The following CLBA1 variants were observed in gnomAD, a reference collection of about 807,000 sequenced individuals.
CLBA1 encodes the protein uncharacterized protein CLBA1.
A neutral mutation model predicts 28.8 loss-of-function variants in CLBA1; 30 were observed. The observed-to-expected ratio is 1.04, with a 90% CI of 0.78 to 1.41. CLBA1 has a LOEUF of 1.41. Ranked by LOEUF, CLBA1 falls within the 40% of genes most tolerant of loss-of-function variation. The pLI is 0.00. For missense variants in CLBA1, 451 were observed against 412.3 expected (o/e 1.09, Z -0.81); for synonymous variants, 160 against 152.8 (o/e 1.05, Z -0.35).
chr14:104,998,305 TC>T (rs1900192094), downstream of CLBA1, among the ~76,000 whole-genome samples: 3 of 151,798 alleles, frequency 2.0e-5, no homozygotes, highest in Non-Finnish European at 4.4e-5. Context: ...TCCCAGCTAC[TC>T]AGGAGGCTGA....
Position 104,986,465 on chromosome 14 carries a change from TTGAG to T in CLBA1, c.38_41del (p.Ser13ThrfsTer18), listed in dbSNP as rs1203684213. ...CCGGCGGGAGCTGGGGGGAGAGCCT[TTGAG>T]TGACCTCCAGGAGGAAGCAGCCAGC... On this transcript the variant is annotated frameshift_variant, in exon 1 of 5. Coordinates refer to ENST00000547315, the MANE Select transcript of CLBA1 (RefSeq NM_174891.4). LOFTEE classifies it high-confidence loss of function. The T allele has an allele frequency of 3.1e-6, 5 of 1,613,134 alleles. No homozygotes were observed. In the South Asian group the frequency reaches 4.4e-5, roughly 14 times the overall value.
chr14:104,995,004 C>T lies in CLBA1; in HGVS notation c.*245C>T. 2 of 1,166,714 alleles carry T rather than the reference C, an allele frequency of 1.7e-6. No individual in the cohort carries two copies. The highest frequency in any genetic ancestry group is 6.0e-5 in the South Asian group (2 of 33,160). 72.3% of individuals were successfully genotyped at this position (1,166,714 alleles called of 1,614,324 possible). ...GATGCCATGACAGGCTGTCGGGGTCCAGGTGGCACTCATGGGCCCCCTGCC... is the reference window on the plus strand; with the variant it reads ...GATGCCATGACAGGCTGTCGGGGTCTAGGTGGCACTCATGGGCCCCCTGCC... On this transcript the variant is annotated 3_prime_UTR_variant, in exon 5 of 5. Coordinates refer to ENST00000547315, the MANE Select transcript of CLBA1 (RefSeq NM_174891.4).
chr14:104,991,343 GTTC>G, intron 2 of CLBA1, 145 bp from the exon 3 acceptor site: 1 of 882,030 alleles, frequency 1.1e-6, no homozygotes, highest in Non-Finnish European at 1.7e-6. Flanking sequence ...TGTTTTTAGA[GTTC>G]TTAACAGCCA....
intron 4 of CLBA1, chr14:104,994,087 C>G (rs1486904331): frequency 2.0e-6 from 2 of 985,280 alleles, no homozygotes; most frequent in Non-Finnish European, 2.4e-6. Flanking sequence ...GGGCCCTGAT[C>G]GGCCGTCTTC....
downstream of CLBA1, among the ~76,000 whole-genome samples, chr14:104,996,322 G>A (rs1595446556): frequency 2.0e-5 from 3 of 152,364 alleles, no homozygotes; most frequent in South Asian, 2.1e-4. Context: ...ACCAGGCGAC[G>A]TACATGCAAA....
chr14:104,989,902 G>C, intron 2 of CLBA1: 1 of 356,620 alleles, frequency 2.8e-6, no homozygotes, highest in Non-Finnish European at 5.7e-6. Flanking sequence ...CTGGGCTCCA[G>C]CCCTGGCCCA....
Position 104,995,284 on chromosome 14 carries a change from G to A in CLBA1, c.*525G>A. 3.0e-6 allele frequency: 3 copies of A among 985,550 alleles called. No individual in the cohort carries two copies. The South Asian group carries it at 1.4e-4, about 46-fold the overall frequency. 61.1% of individuals were successfully genotyped at this position (985,550 alleles called of 1,614,324 possible). A position where few individuals can be genotyped will look rare whatever the true frequency, so the allele number is the denominator to read the frequency against. ...TGTACAGATGTGCTGTGTCCTCAGA[G>A]CCTCGCAGGTGCCCTCACTTACTGC... On this transcript the variant is annotated 3_prime_UTR_variant, in exon 5 of 5. Transcript: ENST00000547315.
Position 104,995,207 on chromosome 14 carries a change from T to C in CLBA1, c.*448T>C, listed in dbSNP as rs893384512. ...AGCTGTTGAGACCGCTCAGAAACCC[T>C]CTGTCTGTCACACTCTGCCCTGGCT... On this transcript the variant is annotated 3_prime_UTR_variant, in exon 5 of 5. Coordinates refer to ENST00000547315, the MANE Select transcript of CLBA1 (RefSeq NM_174891.4). 1.5e-5 allele frequency: 15 copies of C among 973,186 alleles called. No homozygotes were observed. The highest frequency in any genetic ancestry group is 6.2e-5 in the Admixed American group (1 of 16,248). 60.3% of individuals were successfully genotyped at this position (973,186 alleles called of 1,614,324 possible).
In CLBA1 at chr14:104,986,152, G is replaced by A. The variant is rs1899847946; in HGVS notation, c.-280G>A. On this transcript the variant is annotated 5_prime_UTR_variant, in exon 1 of 5. Transcript: ENST00000547315. ...GGCCGCCCCTCTCACACCTGCCGTG[G>A]GTCTGGTACGCGCCTCTGTGTCGGA... 3.9e-6 allele frequency: 2 copies of A among 506,998 alleles called. No homozygotes were observed. The highest frequency in any genetic ancestry group is 7.2e-6 in the Non-Finnish European group (2 of 278,000). The allele number at this position is 506,998 out of a possible 1,614,324, so 31.4% of individuals were successfully genotyped here. A position where few individuals can be genotyped will look rare whatever the true frequency, so the allele number is the denominator to read the frequency against.
Position 104,985,864 on chromosome 14 carries a change from G to A in CLBA1, c.-568G>A, listed in dbSNP as rs1434054950. 5.1e-6 allele frequency: 1 copy of A among 195,828 alleles called. No homozygotes were observed. The highest frequency in any genetic ancestry group is 9.6e-6 in the Non-Finnish European group (1 of 103,914). 12.1% of individuals were successfully genotyped at this position (195,828 alleles called of 1,614,324 possible). ...CGCCCTGGTCCCGCGCGGCCCCGCCGAGGCGGCGACCAAGGTGGGTGCGGG... is the reference window on the plus strand; with the variant it reads ...CGCCCTGGTCCCGCGCGGCCCCGCCAAGGCGGCGACCAAGGTGGGTGCGGG... On this transcript the variant is annotated 5_prime_UTR_variant, in exon 1 of 5. Coordinates refer to ENST00000547315, the MANE Select transcript of CLBA1 (RefSeq NM_174891.4).
At chr14:104,991,186 G>A (rs1385956072) in intron 2 of CLBA1, 49 of 245,182 alleles carry the variant, frequency 2.0e-4, no homozygotes, top group Admixed American at 2.0e-3. Context: ...CACCACGCCC[G>A]GCTATTTTTT....
In CLBA1 at chr14:104,986,560, C is replaced by T. The variant is rs759740167; in HGVS notation, c.129C>T (p.Pro43=). 6.2e-7 allele frequency: 1 copy of T among 1,614,054 alleles called. No individual in the cohort carries two copies. The highest frequency in any genetic ancestry group is 1.7e-5 in the Admixed American group (1 of 60,026). The part of the protein sequence containing the change: ...DDSLEWRRTC[P]DLLLSDGKAS... ...GTTTGGAATGGAGACGGACCTGCCC[C>T]GACCTTCTCCTGTCCGATGGGAAAG... The change falls in exon 1 of 5, where the codon CCC becomes CCT. Residue 43 remains proline (P), a synonymous_variant. Transcript: ENST00000547315.
chr14:104,992,208 A>ACTCACATGCCG (rs1900053646), intron 3 of CLBA1, among the ~76,000 whole-genome samples: 2 of 142,340 alleles, frequency 1.4e-5, no homozygotes, highest in African/African-American at 5.3e-5. Context: ...CTCACACGCC[A>ACTCACATGCCG]CCACTCACAT....
intron 2 of CLBA1, chr14:104,989,791 G>C (rs1472902377): frequency 4.6e-6 from 2 of 434,416 alleles, no homozygotes; most frequent in African/African-American, 4.0e-5. Flanking sequence ...GTGGTCTGCG[G>C]AGTGGGTCTC....
chr14:104,992,095 ACAC>A (rs1345337277), intron 3 of CLBA1, among the ~76,000 whole-genome samples: 17 of 118,578 alleles, frequency 1.4e-4, no homozygotes, highest in East Asian at 7.4e-4. Flanking sequence ...CATGCCTCAC[ACAC>A]CACCACATGC....
rs1176654589 is a variant in CLBA1, at chr14:104,985,797, G to GC, written c.-635_-634insC. ...GGCGCACGCCGTTGCCAGGCAACGG[G>GC]GCGGCGCAGGCAGGAGGGAACGGCT... On this transcript the variant is annotated 5_prime_UTR_variant, in exon 1 of 5. Coordinates refer to ENST00000547315, the MANE Select transcript of CLBA1 (RefSeq NM_174891.4). The GC allele has an allele frequency of 3.5e-6, 1 of 285,828 alleles. No homozygotes were observed. The highest frequency in any genetic ancestry group is 7.3e-6 in the Non-Finnish European group (1 of 136,424). 17.7% of individuals were successfully genotyped at this position (285,828 alleles called of 1,614,324 possible).
At position 104,986,863 on chromosome 14, in the gene CLBA1, G is replaced by A. The variant is rs1351862968; in HGVS notation, c.423+9G>A. 6.2e-7 allele frequency: 1 copy of A among 1,611,758 alleles called. No homozygotes were observed. The highest frequency in any genetic ancestry group is 8.5e-7 in the Non-Finnish European group (1 of 1,179,318). ...CCGTCCCACCTTCTGAGGTATTTCTGCTGTGCTGTGGTCACCATGTTGAGT... is the reference window on the plus strand; with the variant it reads ...CCGTCCCACCTTCTGAGGTATTTCTACTGTGCTGTGGTCACCATGTTGAGT... On this transcript the variant is annotated intron_variant, in intron 1 of 4. Transcript: ENST00000547315.
At chr14:104,988,634 C>A (rs535507396) in intron 1 of CLBA1, among the ~76,000 whole-genome samples, 2 of 152,314 alleles carry the variant, frequency 1.3e-5, no homozygotes, top group East Asian at 3.9e-4. Context: ...CCACCGCGCC[C>A]GGCCGCATGT....
downstream of CLBA1, chr14:104,999,117 C>T (rs1900218004): frequency 1.4e-6 from 1 of 713,200 alleles, no homozygotes; most frequent in Non-Finnish European, 1.7e-6. Context: ...AGGCTGACAG[C>T]TTTCCTCTGC....
Sources: gnomAD v4.1 joint callset for allele counts (sites outside exome capture counted in the v4.1 genomes callset) on GRCh38, gnomAD v4.1.1 for gene constraint, MANE v1.5 for transcripts, NCBI Gene and HGNC (gene_info 2026-07-23, HGNC 2026-07-21) for gene names.